IGFBPL1: variants seen among roughly 807,000 people sequenced by gnomAD.
IGFBPL1 encodes the protein insulin like growth factor binding protein like 1, also known as insulin-like growth factor-binding protein-like 1.
A neutral mutation model predicts 23.9 loss-of-function variants in IGFBPL1; 20 were observed. The ratio of observed to expected loss-of-function variants is 0.84; its 90% CI spans 0.59 to 1.22. IGFBPL1 has a LOEUF of 1.22. Among genes scored for constraint, IGFBPL1 ranks in the 50% most tolerant of loss-of-function variants. IGFBPL1 has a pLI of 0.00. For missense variants in IGFBPL1, 436 were observed against 379.3 expected, an observed-to-expected ratio of 1.15 and a Z score of -1.24; for synonymous variants, 184 against 171.8, an observed-to-expected ratio of 1.07 and a Z score of -0.56.
intron 1 of IGFBPL1, among the ~76,000 whole-genome samples, chr9:38,422,182 G>C (rs551000364): frequency 6.6e-6 from 1 of 152,328 alleles, no homozygotes; most frequent in Admixed American, 6.5e-5. Context: ...ACAGGGTGTT[G>C]GGACCAGGGA....
intron 1 of IGFBPL1, among the ~76,000 whole-genome samples, chr9:38,417,525 G>C (rs949603848): frequency 2.0e-5 from 3 of 152,212 alleles, no homozygotes; most frequent in African/African-American, 7.2e-5. Context: ...CAGAATAAGA[G>C]ATGAGTTGCT....
intron 1 of IGFBPL1, among the ~76,000 whole-genome samples, chr9:38,414,781 A>G (rs13285086): frequency 0.26 from 40,196 of 152,108 alleles, 6,547 homozygotes; most frequent in Non-Finnish European, 0.36. Context: ...CCCCATCCCC[A>G]GAAGCCGACC....
In IGFBPL1 at chr9:38,424,004, C is replaced by T; in HGVS notation, c.421G>A (p.Gly141Ser). Residue 141 changes from glycine to serine, a missense_variant, in exon 1 of 5, where the codon GGT becomes AGT. Physicochemically the swap from Gly to Ser is moderately conservative, Grantham distance 56. Coordinates refer to ENST00000377694, the MANE Select transcript of IGFBPL1 (RefSeq NM_001007563.3). ...RARHTPRAHP[G>S]HLHKARDGPC... ...CCGTCGCGCGCCTTGTGCAGGTGACCGGGGTGCGCGCGGGGCGTGTGCCGA... is the reference window on the plus strand; with the variant it reads ...CCGTCGCGCGCCTTGTGCAGGTGACTGGGGTGCGCGCGGGGCGTGTGCCGA... 1.4e-6 allele frequency: 2 copies of T among 1,410,282 alleles called. No individual in the cohort carries two copies. The highest frequency in any genetic ancestry group is 1.8e-6 in the Non-Finnish European group (2 of 1,092,308). 87.4% of individuals were successfully genotyped at this position (1,410,282 alleles called of 1,614,324 possible).
chr9:38,408,765 G>A lies in IGFBPL1; in HGVS notation c.*462C>T, dbSNP rs1205533310. 1.3e-5 allele frequency among the ~76,000 whole-genome samples: 2 copies of A among 152,164 alleles called. No homozygotes were observed. The highest frequency in any genetic ancestry group is 2.9e-5 in the Non-Finnish European group (2 of 68,038). ...GCCATACTCACAGATGAAGGGACCAGGGCCCAGAGAGGGGAAGGGATCTGT... is the reference window on the plus strand; with the variant it reads ...GCCATACTCACAGATGAAGGGACCAAGGCCCAGAGAGGGGAAGGGATCTGT... On this transcript the variant is annotated 3_prime_UTR_variant, in exon 5 of 5. Coordinates refer to ENST00000377694, the MANE Select transcript of IGFBPL1 (RefSeq NM_001007563.3).
chr9:38,410,298 C>T lies in IGFBPL1; in HGVS notation c.*10-1081G>A, dbSNP rs556123151. 1.5e-3 allele frequency among the ~76,000 whole-genome samples: 227 copies of T among 151,928 alleles called. 3 individuals are homozygous for T. Among genetic ancestry groups the T allele is most frequent in the African/African-American group, 4.1e-3 (170 of 41,424 alleles). On this transcript the variant is annotated intron_variant, in intron 4 of 4. Transcript: ENST00000377694. Reference sequence around the variant, plus strand: ...GAGATCAAGACCATCCTGGCTAACACGGTGAAACCCCGTCTCTACTAAAAA... The same window carrying T: ...GAGATCAAGACCATCCTGGCTAACATGGTGAAACCCCGTCTCTACTAAAAA...
intron 1 of IGFBPL1, among the ~76,000 whole-genome samples, chr9:38,422,031 C>T (rs1249487946): frequency 1.3e-5 from 2 of 152,210 alleles, no homozygotes; most frequent in Non-Finnish European, 2.9e-5. Context: ...AAGGGGCTGT[C>T]ACATTTACTT....
At chr9:38,410,400 G>C (rs1012723480) in intron 4 of IGFBPL1, among the ~76,000 whole-genome samples, 1 of 151,430 alleles carries the variant, frequency 6.6e-6, no homozygotes, top group African/African-American at 2.4e-5. Flanking sequence ...GGAGAGTGGC[G>C]TGAACCCAGG....
chr9:38,410,269 T>C (rs373833499), intron 4 of IGFBPL1, among the ~76,000 whole-genome samples: 278 of 152,104 alleles, frequency 1.8e-3, no homozygotes, highest in African/African-American at 6.4e-3. Flanking sequence ...GATCATGAAG[T>C]CGGGAGATCA....
At chr9:38,422,108 T>C (rs917004729) in intron 1 of IGFBPL1, among the ~76,000 whole-genome samples, 1 of 152,220 alleles carries the variant, frequency 6.6e-6, no homozygotes, top group African/African-American at 2.4e-5. Context: ...CTCACTCTGG[T>C]AACCATGGTA....
chr9:38,415,736 G>T (rs1174029098), intron 1 of IGFBPL1, among the ~76,000 whole-genome samples: 1 of 152,150 alleles, frequency 6.6e-6, no homozygotes, highest in East Asian at 1.9e-4. Flanking sequence ...TGGTAAGAAG[G>T]TGCATCCTCA....
Position 38,411,375 on chromosome 9 carries a change from G to C in IGFBPL1, c.*9+16C>G. On this transcript the variant is annotated intron_variant, in intron 4 of 4. Coordinates refer to ENST00000377694, the MANE Select transcript of IGFBPL1 (RefSeq NM_001007563.3). Reference sequence around the variant, plus strand: ...AACATGGGTGTAAAATACTGAAAATGACTTAGAACATGTACATTTCTCCAT... The same window carrying C: ...AACATGGGTGTAAAATACTGAAAATCACTTAGAACATGTACATTTCTCCAT... The C allele has an allele frequency of 1.2e-6, 2 of 1,602,000 alleles. No homozygotes were observed.
intron 2 of IGFBPL1, 107 bp from the exon 3 acceptor site, chr9:38,413,460 C>G (rs1821546809): frequency 5.6e-6 from 4 of 717,190 alleles, no homozygotes; most frequent in Non-Finnish European, 9.7e-6. Flanking sequence ...CCCACTGACT[C>G]AAAAACGGAA....
chr9:38,414,180 G>T lies in IGFBPL1; in HGVS notation c.484C>A (p.Arg162=). 6.2e-7 allele frequency: 1 copy of T among 1,607,066 alleles called. No individual in the cohort carries two copies. Among genetic ancestry groups the T allele is most frequent in the South Asian group, 1.1e-5 (1 of 89,556 alleles). Residue 162 remains arginine (R), a synonymous_variant, in exon 2 of 5, where the codon CGA becomes AGA. Coordinates refer to ENST00000377694, the MANE Select transcript of IGFBPL1 (RefSeq NM_001007563.3). ...GCCCCGGTGACGTTGTGAACACTTC[G>T]GGGAGGAACGACGACCACAGGAGCT... The part of the protein sequence containing the change: ...EFAPVVVVPP[R]SVHNVTGAQV...
chr9:38,412,701 T>C (rs1821531245), intron 3 of IGFBPL1, among the ~76,000 whole-genome samples: 1 of 152,204 alleles, frequency 6.6e-6, no homozygotes, highest in Non-Finnish European at 1.5e-5. Context: ...GGCTGCATTC[T>C]TTCTGAAGGC....
In IGFBPL1 at chr9:38,413,265, G is replaced by T; in HGVS notation, c.659C>A (p.Ser220Tyr). The change falls in exon 3 of 5, where the codon TCT becomes TAT. Residue 220 changes from serine (S) to tyrosine (Y), a missense_variant. Coordinates refer to ENST00000377694, the MANE Select transcript of IGFBPL1 (RefSeq NM_001007563.3). ...NIAVQVRGGP[S>Y]DHEATAWILI... The stretch of plus-strand genomic sequence containing the variant: ...AATCCAGGCCGTGGCCTCATGGTCA[G>T]AAGGGCCCCCTCGCACTTGGACAGC... 6.2e-7 allele frequency: 1 copy of T among 1,613,756 alleles called. No homozygotes were observed. The highest frequency in any genetic ancestry group is 8.5e-7 in the Non-Finnish European group (1 of 1,179,700).
intron 1 of IGFBPL1, among the ~76,000 whole-genome samples, chr9:38,415,546 T>C (rs1359436427): frequency 6.6e-6 from 1 of 152,116 alleles, no homozygotes; most frequent in Non-Finnish European, 1.5e-5. Flanking sequence ...CCAAAAAATC[T>C]CTGGAAAATC....
Position 38,414,192 on chromosome 9 carries a change from C to G in IGFBPL1, c.472G>C (p.Val158Leu), listed in dbSNP as rs755877048. ...DGPCEFAPVV[V>L]VPPRSVHNVT... ...TTGTGAACACTTCGGGGAGGAACGA[C>G]GACCACAGGAGCTAGGAGGAGGAGA... The change falls in exon 2 of 5, where the codon GTC (valine) becomes CTC (leucine). Residue 158 changes from valine (V) to leucine (L), a missense_variant. Physicochemically the swap from Val to Leu is conservative, Grantham distance 32. Transcript: ENST00000377694. The G allele has an allele frequency of 2.4e-5, 39 of 1,601,242 alleles. No homozygotes were observed. Among genetic ancestry groups the G allele is most frequent in the Non-Finnish European group, 3.3e-5 (39 of 1,173,746 alleles).
At chr9:38,418,761 A>G (rs938355696) in intron 1 of IGFBPL1, among the ~76,000 whole-genome samples, 23 of 152,066 alleles carry the variant, frequency 1.5e-4, no homozygotes, top group Admixed American at 1.2e-3. Flanking sequence ...TTGTGCCAGC[A>G]ATAGCCCTAG....
rs1419964674 is a variant in IGFBPL1 at position 38,424,300 on chromosome 9, C to A, written c.125G>T (p.Arg42Leu). The A allele has an allele frequency of 4.8e-6, 6 of 1,262,360 alleles. No homozygotes were observed. The highest frequency in any genetic ancestry group is 6.5e-5 in the Admixed American group (2 of 30,914). 78.2% of individuals were successfully genotyped at this position (1,262,360 alleles called of 1,614,324 possible). A position where few individuals can be genotyped will look rare whatever the true frequency, so the allele number is the denominator to read the frequency against. Residue 42 changes from arginine to leucine, a missense_variant, in exon 1 of 5, where the codon CGG (arginine) becomes CTG (leucine). By Grantham distance (102) the Arg-to-Leu change is moderately radical. Transcript: ENST00000377694. Reference protein sequence around the residue: ...GGRRPKCGPCRPEGCPAPAPC... With the variant: ...GGRRPKCGPCLPEGCPAPAPC... ...CGCAGGCGCCGGGCAGCCCTCTGGC[C>A]GGCACGGACCACACTTGGGGCGCCG...
Sources: allele counts gnomAD v4.1 joint callset (sites outside exome capture counted in the v4.1 genomes callset), GRCh38; gene constraint gnomAD v4.1.1; transcripts MANE v1.5; gene names NCBI Gene and HGNC (gene_info 2026-07-23, HGNC 2026-07-21).